Variants in FAAH observed in about 807,000 individuals in gnomAD.
The protein encoded by FAAH is fatty-acid amide hydrolase 1.
In FAAH, 63 loss-of-function variants were observed where a neutral mutation model predicts 69.7. The ratio of observed to expected loss-of-function variants is 0.90; its 90% CI spans 0.74 to 1.12. FAAH has a LOEUF of 1.12. FAAH is among the 50% of genes most tolerant of loss of function. The pLI is 0.00. For synonymous variants in FAAH, 305 were observed against 324.2 expected (o/e 0.94, Z 0.64); for missense variants, 680 against 755.0 (o/e 0.90, Z 1.16).
chr1:46,407,881 T>A (rs1010289813), intron 7 of FAAH, among the ~76,000 whole-genome samples: 1 of 152,166 alleles, frequency 6.6e-6, no homozygotes, highest in African/African-American at 2.4e-5. Flanking sequence ...CAAGGTTGCC[T>A]TGGAAAGGCT....
chr1:46,400,448 C>T (rs927474751), intron 1 of FAAH, among the ~76,000 whole-genome samples: 2 of 151,908 alleles, frequency 1.3e-5, no homozygotes, highest in Admixed American at 6.6e-5. Flanking sequence ...GTCTGAGGCC[C>T]GGTGAGGGCC....
At position 46,412,222 on chromosome 1, in the gene FAAH, T is replaced by A. The variant is rs1664929823; in HGVS notation, c.1436T>A (p.Leu479Gln). 1 of 1,555,278 alleles carries A rather than the reference T, an allele frequency of 6.4e-7. No homozygotes were observed. Among genetic ancestry groups the A allele is most frequent in the Non-Finnish European group, 8.7e-7 (1 of 1,149,246 alleles). The change falls in exon 13 of 15, where the codon CTG becomes CAG. Residue 479 changes from leucine (L) to glutamine (Q), a missense_variant. Transcript: ENST00000243167. ...CTGACCCCCATGCTGGCCCCTGCTCTGGACTTGAATGCCCCAGGCAGGGCC... is the reference window on the plus strand; with the variant it reads ...CTGACCCCCATGCTGGCCCCTGCTCAGGACTTGAATGCCCCAGGCAGGGCC... ...VVLTPMLAPA[L>Q]DLNAPGRATG...
intron 1 of FAAH, among the ~76,000 whole-genome samples, chr1:46,399,601 C>T (rs1265929713): frequency 6.6e-6 from 1 of 152,134 alleles, no homozygotes; most frequent in African/African-American, 2.4e-5. Context: ...AGTTGGTGAC[C>T]GGACTGTCAG....
intron 1 of FAAH, 147 bp from the exon 2 acceptor site, chr1:46,401,942 GGA>G (rs746562817): frequency 3.0e-5 from 22 of 725,984 alleles, no homozygotes; most frequent in Non-Finnish European, 4.9e-5. Flanking sequence ...ACAAGCTTCT[GGA>G]GGAGACAGAG....
chr1:46,413,790 A>C lies in FAAH; in HGVS notation c.*215A>C. On this transcript the variant is annotated 3_prime_UTR_variant, in exon 15 of 15. Coordinates refer to ENST00000243167, the MANE Select transcript of FAAH (RefSeq NM_001441.3). ...TCTTCGTCCTGATCCCTCCACCCCCATGTGGCAGCCCATGGGTATGACATA... is the reference window on the plus strand; with the variant it reads ...TCTTCGTCCTGATCCCTCCACCCCCCTGTGGCAGCCCATGGGTATGACATA... 6 of 620,352 alleles carry C rather than the reference A, an allele frequency of 9.7e-6. No individual in the cohort carries two copies. The highest frequency in any genetic ancestry group is 8.5e-6 in the Non-Finnish European group (3 of 353,688). The allele number at this position is 620,352 out of a possible 1,614,324, so 38.4% of individuals were successfully genotyped here. A position where few individuals can be genotyped will look rare whatever the true frequency, so the allele number is the denominator to read the frequency against.
chr1:46,409,820 C>G (rs1664872982), intron 9 of FAAH, among the ~76,000 whole-genome samples: 1 of 152,112 alleles, frequency 6.6e-6, no homozygotes, highest in Non-Finnish European at 1.5e-5. Context: ...TGATGGAGAA[C>G]TTGGCCCTGC....
chr1:46,410,096 G>A lies in FAAH; in HGVS notation c.1176-302G>A. ...CCAGGCTGTACCTCCCTAAGGGGAG[G>A]TACCCTCAGGGAGGCCTCATCAGGG... On this transcript the variant is annotated intron_variant, in intron 9 of 14. Transcript: ENST00000243167. This position sits in a 1 kb window ranked among gnomAD's most constrained non-coding sequence, Gnocchi z 4.9. 1 of 341,530 alleles carries A rather than the reference G, an allele frequency of 2.9e-6. No homozygotes were observed. The highest frequency in any genetic ancestry group is 5.5e-6 in the Non-Finnish European group (1 of 181,558). 21.2% of individuals were successfully genotyped at this position (341,530 alleles called of 1,614,324 possible). A position where few individuals can be genotyped will look rare whatever the true frequency, so the allele number is the denominator to read the frequency against.
intron 7 of FAAH, among the ~76,000 whole-genome samples, chr1:46,407,846 A>G (rs1664828736): frequency 6.6e-6 from 1 of 152,260 alleles, no homozygotes; most frequent in South Asian, 2.1e-4. Context: ...TCTATCTTGT[A>G]CAGACCTCTT....
At chr1:46,406,506 A>G (rs1569817504) in intron 7 of FAAH, 138 bp downstream of exon 7, 1 of 1,070,492 alleles carries the variant, frequency 9.3e-7, no homozygotes, top group Non-Finnish European at 1.4e-6. Context: ...TTGCTCCTCC[A>G]CAGACGGCCA....
rs903587491 is a variant in FAAH at position 46,411,792 on chromosome 1, C to T, written c.1356+141C>T. ...GTCATCCCCCTTCCACTCCCTGGACCACCACTTGGGCCCAGCTCTCTGACC... is the reference window on the plus strand; with the variant it reads ...GTCATCCCCCTTCCACTCCCTGGACTACCACTTGGGCCCAGCTCTCTGACC... On this transcript the variant is annotated intron_variant, in intron 12 of 14. Transcript: ENST00000243167. This position sits in a 1 kb window ranked among gnomAD's most constrained non-coding sequence, Gnocchi z 4.8. 1.1e-6 allele frequency: 1 copy of T among 940,390 alleles called. No homozygotes were observed. Among genetic ancestry groups the T allele is most frequent in the East Asian group, 2.6e-5 (1 of 38,102 alleles). The allele number at this position is 940,390 out of a possible 1,614,324, so 58.3% of individuals were successfully genotyped here.
intron 1 of FAAH, among the ~76,000 whole-genome samples, chr1:46,399,919 G>A (rs1664666545): frequency 6.6e-6 from 1 of 152,174 alleles, no homozygotes; most frequent in African/African-American, 2.4e-5. Context: ...AGGAGGGACT[G>A]TGCAAGGAGA....
At chr1:46,396,303 C>G (rs186392703) in intron 1 of FAAH, among the ~76,000 whole-genome samples, 1 of 152,204 alleles carries the variant, frequency 6.6e-6, no homozygotes, top group Non-Finnish European at 1.5e-5. Context: ...GTAAATAGAA[C>G]GTAGGATCGG....
intron 6 of FAAH, 32 bp downstream of exon 6, chr1:46,406,110 G>C (rs757754667): frequency 6.2e-7 from 1 of 1,614,162 alleles, no homozygotes; most frequent in Non-Finnish European, 8.5e-7. Context: ...GTGCCCCGAG[G>C]AGGGTGGGGG....
rs200785037 is a variant in FAAH at position 46,410,491 on chromosome 1, G to A, written c.1269G>A (p.Lys423=). Reference sequence around the variant, plus strand: ...AAGGACTGCTGGCCTTCCTGGTGAAGCCTCTGGTGAGGGCACAAGGAGTGG... The same window carrying A: ...AAGGACTGCTGGCCTTCCTGGTGAAACCTCTGGTGAGGGCACAAGGAGTGG... ...WLKGLLAFLV[K]PLLPRLSAFL... is the part of the protein sequence containing the mutation. The change falls in exon 10 of 15, where the codon AAG becomes AAA. Residue 423 remains lysine, a synonymous_variant. Coordinates refer to ENST00000243167, the MANE Select transcript of FAAH (RefSeq NM_001441.3). This position sits in a 1 kb window ranked among gnomAD's most constrained non-coding sequence, Gnocchi z 4.9. The A allele has an allele frequency of 5.6e-6, 9 of 1,613,894 alleles. No homozygotes were observed. Among genetic ancestry groups the A allele is most frequent in the Non-Finnish European group, 7.6e-6 (9 of 1,179,906 alleles).
At position 46,402,162 on chromosome 1, in the gene FAAH, A is replaced by T; in HGVS notation, c.267A>T (p.Arg89Ser). 1 of 1,609,454 alleles carries T rather than the reference A, an allele frequency of 6.2e-7. No homozygotes were observed. The highest frequency in any genetic ancestry group is 8.5e-7 in the Non-Finnish European group (1 of 1,177,912). The change falls in exon 2 of 15, where the codon AGA becomes AGT. Residue 89 changes from arginine (R) to serine (S), a missense_variant. Coordinates refer to ENST00000243167, the MANE Select transcript of FAAH (RefSeq NM_001441.3). ...LPQLVQKLHSRELAPEAVLFT... is the reference protein window; with the variant it reads ...LPQLVQKLHSSELAPEAVLFT... ...AGCTGGTGCAGAAGTTACACAGTAG[A>T]GAGCTGGCCCCTGAGGCCGTGCTCT...
Position 46,411,888 on chromosome 1 carries a change from C to T in FAAH, c.1356+237C>T, listed in dbSNP as rs1434483035. Among the ~76,000 whole-genome samples, 2 of 152,226 alleles carry T rather than the reference C, an allele frequency of 1.3e-5. No homozygotes were observed. Among genetic ancestry groups the T allele is most frequent in the African/African-American group, 2.4e-5 (1 of 41,454 alleles). ...GCTCCTGTCCTGGCCGCCTTTTTGC[C>T]CCTCTGGAGCTGCCTTTGTGTGGCT... On this transcript the variant is annotated intron_variant, in intron 12 of 14. Coordinates refer to ENST00000243167, the MANE Select transcript of FAAH (RefSeq NM_001441.3). The surrounding 1 kb of genome is among the most constrained non-coding windows in gnomAD (Gnocchi z 4.8).
Position 46,404,978 on chromosome 1 carries a change from C to T in FAAH, c.310-36C>T. On this transcript the variant is annotated intron_variant, in intron 2 of 14. Coordinates refer to ENST00000243167, the MANE Select transcript of FAAH (RefSeq NM_001441.3). This position sits in a 1 kb window ranked among gnomAD's most constrained non-coding sequence, Gnocchi z 4.5. ...CACCACAATTTCTTAAAAAGGCCAGCCTCCTTTTATCTTATGTCTACTTCC... is the reference window on the plus strand; with the variant it reads ...CACCACAATTTCTTAAAAAGGCCAGTCTCCTTTTATCTTATGTCTACTTCC... 1 of 1,613,674 alleles carries T rather than the reference C, an allele frequency of 6.2e-7. No homozygotes were observed. Among genetic ancestry groups the T allele is most frequent in the Non-Finnish European group, 8.5e-7 (1 of 1,179,958 alleles).
rs1664851115 is a variant in FAAH, at chr1:46,409,021, C to T, written c.1078-80C>T. 8 of 1,225,374 alleles carry T rather than the reference C, an allele frequency of 6.5e-6. No homozygotes were observed. In the Middle Eastern group the frequency reaches 7.5e-4, roughly 115 times the overall value. The allele number at this position is 1,225,374 out of a possible 1,614,324, so 75.9% of individuals were successfully genotyped here. A position where few individuals can be genotyped will look rare whatever the true frequency, so the allele number is the denominator to read the frequency against. Reference sequence around the variant, plus strand: ...TGTGGGCAGGGTTGGTCCAATCCATCCTCAGGGCCGCCCAGACAGCATGGG... The same window carrying T: ...TGTGGGCAGGGTTGGTCCAATCCATTCTCAGGGCCGCCCAGACAGCATGGG... On this transcript the variant is annotated intron_variant, in intron 8 of 14. Coordinates refer to ENST00000243167, the MANE Select transcript of FAAH (RefSeq NM_001441.3).
rs923985303 is a variant in FAAH, at chr1:46,411,368, C to T, written c.1317-244C>T. ...GGCCTCTCCCGTGTCCTGAGGGTAG[C>T]GAGGAATCGGGCCTGGGCTAGTCCT... On this transcript the variant is annotated intron_variant, in intron 11 of 14. Transcript: ENST00000243167. This position sits in a 1 kb window ranked among gnomAD's most constrained non-coding sequence, Gnocchi z 4.8. Among the ~76,000 whole-genome samples the T allele has an allele frequency of 2.0e-5, 3 of 152,194 alleles. No individual in the cohort carries two copies. Among genetic ancestry groups the T allele is most frequent in the Admixed American group, 6.5e-5 (1 of 15,276 alleles).
Sources: gnomAD v4.1 joint callset for allele counts (sites outside exome capture counted in the v4.1 genomes callset) on GRCh38, gnomAD v4.1.1 for gene constraint, Gnocchi (gnomAD v3.1) non-coding constraint, MANE v1.5 for transcripts, NCBI Gene and HGNC (gene_info 2026-07-23, HGNC 2026-07-21) for gene names.